The following HLCS variants were observed in gnomAD, a reference collection of about 807,000 sequenced individuals.
The protein encoded by HLCS is biotin--protein ligase.
HLCS carries 53 observed loss-of-function variants against 75.0 expected under a neutral mutation model. The ratio of observed to expected loss-of-function variants is 0.71; its 90% CI spans 0.57 to 0.89. The LOEUF (loss-of-function observed/expected upper bound fraction) is 0.89. Among genes scored for constraint, HLCS ranks in the 40% least tolerant of loss-of-function variants. The probability of loss-of-function intolerance (pLI) is 0.00; values close to 1 mark genes in which losing one functional copy is unlikely to be tolerated. For missense variants in HLCS, 966 were observed against 1,074.0 expected (o/e 0.90, Z 1.41); for synonymous variants, 431 against 428.6 (o/e 1.01, Z -0.07).
intron 6 of HLCS, among the ~76,000 whole-genome samples, chr21:36,857,669 G>A (rs188298519): frequency 7.2e-5 from 11 of 152,288 alleles, no homozygotes; most frequent in Admixed American, 6.5e-4. Context: ...CATTTCAGTG[G>A]CCCAAGTTCT....
At chr21:36,874,590 G>T (rs1601590458) in intron 6 of HLCS, among the ~76,000 whole-genome samples, 1 of 152,154 alleles carries the variant, frequency 6.6e-6, no homozygotes, top group East Asian at 1.9e-4. Flanking sequence ...CACCAACTTT[G>T]TTCTAAATTA....
chr21:36,889,705 A>G (rs2064692405), intron 6 of HLCS, among the ~76,000 whole-genome samples: 1 of 152,218 alleles, frequency 6.6e-6, no homozygotes, highest in African/African-American at 2.4e-5. Context: ...TGAGCCTGGA[A>G]CACGGAGAAG....
intron 6 of HLCS, among the ~76,000 whole-genome samples, chr21:36,871,239 T>C (rs982001964): frequency 6.6e-6 from 1 of 152,160 alleles, no homozygotes; most frequent in Non-Finnish European, 1.5e-5. Flanking sequence ...ATTAGACCAC[T>C]GGGATTTCAG....
At chr21:36,811,877 A>T (rs958954788) in intron 6 of HLCS, among the ~76,000 whole-genome samples, 2 of 152,196 alleles carry the variant, frequency 1.3e-5, no homozygotes, top group Admixed American at 6.5e-5. Flanking sequence ...TGCTGTGACC[A>T]GCCACTCACT....
intron 6 of HLCS, among the ~76,000 whole-genome samples, chr21:36,868,547 A>G (rs2063653806): frequency 6.6e-6 from 1 of 151,950 alleles, no homozygotes. Context: ...GACCAATTCT[A>G]TTTTTTCCTC....
At chr21:36,894,608 G>A (rs774628078) in intron 6 of HLCS, among the ~76,000 whole-genome samples, 52 of 152,226 alleles carry the variant, frequency 3.4e-4, no homozygotes, top group Non-Finnish European at 4.9e-4. Flanking sequence ...AGCTAAGGCC[G>A]CCAACAACCA....
chr21:36,907,246 C>A (rs1401000087), intron 5 of HLCS, among the ~76,000 whole-genome samples: 1 of 152,072 alleles, frequency 6.6e-6, no homozygotes, highest in East Asian at 1.9e-4. Flanking sequence ...ACCTTTCTGA[C>A]TTTGGGTAGG....
Position 36,754,395 on chromosome 21 carries a change from T to C in HLCS, c.2473A>G (p.Ser825Gly). 1 of 1,613,396 alleles carries C rather than the reference T, an allele frequency of 6.2e-7. No homozygotes were observed. The highest frequency in any genetic ancestry group is 8.5e-7 in the Non-Finnish European group (1 of 1,179,948). ...ATGGACACCTTTGGTCCCTCTGCGC[T>C]GCCCAGATGGACTTGCTGACCACTG... ...VHSGQQVHLG[S>G]AEGPKVSIVG... is the part of the protein sequence containing the mutation. The change falls in exon 11 of 11, where the codon AGC (serine) becomes GGC (glycine). Residue 825 changes from serine to glycine, a missense_variant. Transcript: ENST00000674895.
chr21:36,951,738 G>GA lies in HLCS; in HGVS notation c.330+10297dup, dbSNP rs757477350. Among the ~76,000 whole-genome samples the GA allele has an allele frequency of 3.3e-5, 5 of 152,026 alleles. No individual in the cohort carries two copies. The East Asian group carries it at 7.7e-4, about 23-fold the overall frequency. On this transcript the variant is annotated intron_variant, in intron 2 of 10. Transcript: ENST00000674895. The stretch of plus-strand genomic sequence containing the variant: ...AAGGAACATAAGCAAATTTCCTGTG[G>GA]AAAAAAAGAATTGTATTAAGTTCTT...
At chr21:36,872,124 C>T (rs2063789947) in intron 6 of HLCS, among the ~76,000 whole-genome samples, 1 of 152,054 alleles carries the variant, frequency 6.6e-6, no homozygotes, top group Non-Finnish European at 1.5e-5. Flanking sequence ...CAGATATACC[C>T]TTTAATACTT....
At chr21:36,764,987 T>G in intron 8 of HLCS, 25 bp downstream of exon 8, 2 of 1,612,960 alleles carry the variant, frequency 1.2e-6, no homozygotes, top group Non-Finnish European at 1.7e-6. Context: ...CCCAGGGACA[T>G]AGAAGGAGAC....
intron 6 of HLCS, among the ~76,000 whole-genome samples, chr21:36,846,284 G>C (rs1422383371): frequency 6.6e-6 from 1 of 152,016 alleles, no homozygotes; most frequent in Non-Finnish European, 1.5e-5. Context: ...ATAAATGTTG[G>C]TTTCCTAAAG....
At chr21:36,968,176 A>G (rs910325759), upstream of HLCS, among the ~76,000 whole-genome samples, 1 of 151,914 alleles carries the variant, frequency 6.6e-6, no homozygotes, top group Non-Finnish European at 1.5e-5. Context: ...TTTCATAGAG[A>G]CAGGGTCTCG....
intron 6 of HLCS, chr21:36,896,586 G>A (rs1484990383): frequency 1.4e-5 from 7 of 487,168 alleles, no homozygotes; most frequent in South Asian, 4.7e-5. Flanking sequence ...CATAATATTC[G>A]TTTATCAAAG....
intron 6 of HLCS, among the ~76,000 whole-genome samples, chr21:36,853,600 A>G (rs2146151596): frequency 6.6e-6 from 1 of 152,370 alleles, no homozygotes. Context: ...CTTTAACTAA[A>G]GCACTAACAG....
At chr21:36,966,420 C>CGGCCGGG in intron 1 of HLCS, 24 bp downstream of exon 1, 6 of 441,964 alleles carry the variant, frequency 1.4e-5, no homozygotes, top group Non-Finnish European at 1.8e-5. Flanking sequence ...GGGCCCGGGT[C>CGGCCGGG]GCCCGCCCGC....
intron 2 of HLCS, among the ~76,000 whole-genome samples, chr21:36,959,429 C>T (rs1322163099): frequency 6.6e-6 from 1 of 152,194 alleles, no homozygotes; most frequent in African/African-American, 2.4e-5. Context: ...GCACAAACAG[C>T]CTGGGCACCT....
chr21:36,813,180 C>T (rs1415429693), intron 6 of HLCS, among the ~76,000 whole-genome samples: 1 of 152,238 alleles, frequency 6.6e-6, no homozygotes, highest in Non-Finnish European at 1.5e-5. Context: ...AGGAATGTCA[C>T]TTTACCAGAC....
At chr21:36,782,782 A>C (rs1346935173) in intron 6 of HLCS, among the ~76,000 whole-genome samples, 2 of 152,136 alleles carry the variant, frequency 1.3e-5, no homozygotes, top group African/African-American at 4.8e-5. Context: ...CAACGTGGCC[A>C]ACATAGTGAA....
Sources: allele counts gnomAD v4.1 joint callset (sites outside exome capture counted in the v4.1 genomes callset), GRCh38; gene constraint gnomAD v4.1.1; transcripts MANE v1.5; gene names NCBI Gene and HGNC (gene_info 2026-07-23, HGNC 2026-07-21).